The following EYS variants were observed in gnomAD, a reference collection of about 807,000 sequenced individuals.
EYS encodes the protein protein eyes shut homolog.
In EYS, 250 loss-of-function variants were observed where a neutral mutation model predicts 282.1. The observed-to-expected ratio is 0.89, with a 90% CI of 0.80 to 0.98. The LOEUF is 0.98. Among genes scored for constraint, EYS ranks in the 50% least tolerant of loss-of-function variants. The pLI, the probability that EYS is intolerant of heterozygous loss-of-function variation, is 0.00. For missense variants in EYS, 4,016 were observed against 3,709.0 expected (o/e 1.08, Z -2.15); for synonymous variants, 1,355 against 1,282.9 (o/e 1.06, Z -1.20).
At chr6:63,961,445 G>C (rs1488180269) in intron 35 of EYS, among the ~76,000 whole-genome samples, 2 of 150,830 alleles carry the variant, frequency 1.3e-5, no homozygotes. Flanking sequence ...CTGCCTGCAA[G>C]AGAGAAACCC....
chr6:63,898,375 C>T (rs1208268525), intron 35 of EYS, among the ~76,000 whole-genome samples: 1 of 152,016 alleles, frequency 6.6e-6, no homozygotes, highest in African/African-American at 2.4e-5. Context: ...TCTGTAATCC[C>T]AGCTGCTCAG....
intron 8 of EYS, among the ~76,000 whole-genome samples, chr6:65,361,879 T>C (rs761242352): frequency 2.0e-5 from 3 of 152,158 alleles, no homozygotes; most frequent in Non-Finnish European, 4.4e-5. Flanking sequence ...CCTCTTATTT[T>C]CTAATTATGA....
intron 22 of EYS, among the ~76,000 whole-genome samples, chr6:64,633,634 A>AG (rs1456010090): frequency 6.6e-6 from 1 of 151,870 alleles, no homozygotes; most frequent in Non-Finnish European, 1.5e-5. Context: ...AGCAAAAAAA[A>AG]AAAAAAAAAA....
At chr6:64,384,630 CTT>C (rs1428431394) in intron 29 of EYS, among the ~76,000 whole-genome samples, 3 of 152,198 alleles carry the variant, frequency 2.0e-5, no homozygotes, top group African/African-American at 7.2e-5. Context: ...CCTTAACTAA[CTT>C]GGACCCGAAA....
At chr6:64,807,178 C>T (rs1764456726) in intron 22 of EYS, among the ~76,000 whole-genome samples, 1 of 152,076 alleles carries the variant, frequency 6.6e-6, no homozygotes, top group South Asian at 2.1e-4. Flanking sequence ...AGATGTCTAA[C>T]TGCAAGAATA....
chr6:64,193,637 C>G (rs1397498758), intron 31 of EYS, among the ~76,000 whole-genome samples: 1 of 151,796 alleles, frequency 6.6e-6, no homozygotes, highest in Non-Finnish European at 1.5e-5. Context: ...TCTCCTAATG[C>G]TATCCCTCCT....
chr6:64,103,369 A>G (rs973930256), intron 31 of EYS, among the ~76,000 whole-genome samples: 1 of 152,212 alleles, frequency 6.6e-6, no homozygotes, highest in African/African-American at 2.4e-5. Context: ...GGAGGATCGG[A>G]GATATACTAG....
At chr6:65,475,748 G>GACACACACACAC (rs111446667) in intron 5 of EYS, among the ~76,000 whole-genome samples, 193 of 121,580 alleles carry the variant, frequency 1.6e-3, no homozygotes, top group African/African-American at 5.1e-3. Context: ...CAGACAGACA[G>GACACACACACAC]ACAGACAGAC....
At chr6:65,566,919 T>C (rs1008957861) in intron 2 of EYS, among the ~76,000 whole-genome samples, 2 of 152,084 alleles carry the variant, frequency 1.3e-5, no homozygotes, top group African/African-American at 2.4e-5. Context: ...CACAGAAACA[T>C]AGGTTAAATT....
At chr6:64,948,433 A>ATAATATTAAATATTGTATTTAATATTATT (rs1769366735) in intron 14 of EYS, among the ~76,000 whole-genome samples, 2 of 147,858 alleles carry the variant, frequency 1.4e-5, no homozygotes, top group African/African-American at 2.4e-5. Flanking sequence ...ATAGTATTAA[A>ATAATATTAAATATTGTATTTAATATTATT]TAATATTAAA....
intron 2 of EYS, among the ~76,000 whole-genome samples, chr6:65,556,416 T>TGTGTGTGTGTGTGTGTGA (rs1425264054): frequency 6.6e-6 from 1 of 151,890 alleles, no homozygotes; most frequent in Non-Finnish European, 1.5e-5. Context: ...TGTGTATGTG[T>TGTGTGTGTGTGTGTGTGA]GACTAAGAGA....
chr6:65,666,353 T>A lies in EYS; in HGVS notation c.-447-26461A>T, dbSNP rs538868364. Among the ~76,000 whole-genome samples, 5 of 152,000 alleles carry A rather than the reference T, an allele frequency of 3.3e-5. No individual in the cohort carries two copies. The South Asian group carries it at 1.0e-3, about 31-fold the overall frequency. On this transcript the variant is annotated intron_variant, in intron 1 of 42. Transcript: ENST00000503581. The stretch of plus-strand genomic sequence containing the variant: ...AAAAACAGGGACTTTGGAGCCAGAA[T>A]AATCTGTATTGGCTCCCATCTCCAT...
chr6:65,236,511 C>T (rs541202731), intron 12 of EYS, among the ~76,000 whole-genome samples: 52 of 151,848 alleles, frequency 3.4e-4, no homozygotes, highest in Admixed American at 1.8e-3. Context: ...CTAGGGAGGC[C>T]GAGGCAGAAT....
At chr6:65,463,829 T>C (rs1191703151) in intron 5 of EYS, among the ~76,000 whole-genome samples, 1 of 152,138 alleles carries the variant, frequency 6.6e-6, no homozygotes, top group Non-Finnish European at 1.5e-5. Context: ...GCTAAGCATG[T>C]GGGAGTTATT....
intron 12 of EYS, among the ~76,000 whole-genome samples, chr6:65,214,075 T>C (rs1257872631): frequency 2.2e-5 from 3 of 134,908 alleles, no homozygotes; most frequent in African/African-American, 8.3e-5. Flanking sequence ...AGGAGAATGG[T>C]GTGGACCCGG....
intron 5 of EYS, among the ~76,000 whole-genome samples, chr6:65,463,478 T>C (rs1442555417): frequency 6.6e-6 from 1 of 152,190 alleles, no homozygotes; most frequent in Non-Finnish European, 1.5e-5. Flanking sequence ...ACCTATCATA[T>C]ATTAACATAA....
intron 26 of EYS, among the ~76,000 whole-genome samples, chr6:64,547,935 T>C (rs577510562): frequency 5.3e-4 from 81 of 152,262 alleles, no homozygotes; most frequent in African/African-American, 1.9e-3. Context: ...GCTAAGCCCC[T>C]CACTGCCCAG....
At chr6:64,039,312 CTT>C in intron 33 of EYS, among the ~76,000 whole-genome samples, 1 of 152,062 alleles carries the variant, frequency 6.6e-6, no homozygotes. Context: ...AAACTGAACT[CTT>C]TTGGACAGGA....
At chr6:65,362,131 C>T (rs181914190) in intron 8 of EYS, among the ~76,000 whole-genome samples, 1 of 152,178 alleles carries the variant, frequency 6.6e-6, no homozygotes, top group African/African-American at 2.4e-5. Context: ...CTACCTAATT[C>T]ATCACCAAGT....
Sources: gnomAD v4.1 joint callset for allele counts (sites outside exome capture counted in the v4.1 genomes callset) on GRCh38, gnomAD v4.1.1 for gene constraint, MANE v1.5 for transcripts, NCBI Gene and HGNC (gene_info 2026-07-23, HGNC 2026-07-21) for gene names.